FAM241A: variants seen among roughly 807,000 people sequenced by gnomAD.
FAM241A encodes family with sequence similarity 241 member A.
In FAM241A, 7 loss-of-function variants were observed where a neutral mutation model predicts 12.2. That is an observed-to-expected ratio of 0.58 (90% confidence interval 0.33 to 1.08). The LOEUF is 1.08. FAM241A is among the 50% of genes least tolerant of loss of function. FAM241A has a pLI of 0.04. For synonymous variants in FAM241A, 74 were observed against 68.2 expected (o/e 1.08, Z -0.42); for missense variants, 161 against 169.7 (o/e 0.95, Z 0.29).
Position 112,187,247 on chromosome 4 carries a change from A to G in FAM241A, c.*309A>G, listed in dbSNP as rs1724066229. The G allele has an allele frequency of 4.1e-6, 1 of 242,260 alleles. No individual in the cohort carries two copies. The highest frequency in any genetic ancestry group is 5.1e-5 in the Admixed American group (1 of 19,474). The allele number at this position is 242,260 out of a possible 1,614,324, so 15.0% of individuals were successfully genotyped here. A position where few individuals can be genotyped will look rare whatever the true frequency, so the allele number is the denominator to read the frequency against. ...AACACCACCAGAAAGTGAACAGGGA[A>G]AATAACAGGACATGGAATTCAAATC... On this transcript the variant is annotated 3_prime_UTR_variant, in exon 2 of 2. Transcript: ENST00000309733.
intron 1 of FAM241A, among the ~76,000 whole-genome samples, chr4:112,184,238 A>G (rs931527648): frequency 6.6e-6 from 1 of 152,224 alleles, no homozygotes; most frequent in Non-Finnish European, 1.5e-5. Flanking sequence ...TTTAAAAATT[A>G]TATAAAATAG....
At chr4:112,181,407 T>C (rs1229723937) in intron 1 of FAM241A, among the ~76,000 whole-genome samples, 1 of 152,216 alleles carries the variant, frequency 6.6e-6, no homozygotes, top group Non-Finnish European at 1.5e-5. Flanking sequence ...AATTTCTTCC[T>C]GTTTATTCAA....
intron 1 of FAM241A, among the ~76,000 whole-genome samples, chr4:112,148,029 A>G (rs1037366073): frequency 2.0e-5 from 3 of 152,134 alleles, no homozygotes; most frequent in South Asian, 2.1e-4. Flanking sequence ...CTTGAACACC[A>G]TAGCTCCAGA....
rs374875723 is a variant in FAM241A at position 112,193,596 on chromosome 4, C to A, written c.*6658C>A. ...GCCAGTTTTCCCAGCACCATTTATTCAATAGGGAATCCTTTCCCCATTGCT... is the reference window on the plus strand; with the variant it reads ...GCCAGTTTTCCCAGCACCATTTATTAAATAGGGAATCCTTTCCCCATTGCT... On this transcript the variant is annotated 3_prime_UTR_variant, in exon 2 of 2. Coordinates refer to ENST00000309733, the MANE Select transcript of FAM241A (RefSeq NM_152400.3). 3.2e-4 allele frequency: 48 copies of A among 152,212 alleles called. No homozygotes were observed. The highest frequency in any genetic ancestry group is 8.4e-4 in the African/African-American group (35 of 41,566). 9.4% of individuals were successfully genotyped at this position (152,212 alleles called of 1,614,324 possible). A position where few individuals can be genotyped will look rare whatever the true frequency, so the allele number is the denominator to read the frequency against.
At chr4:112,182,043 G>A (rs1723952071) in intron 1 of FAM241A, among the ~76,000 whole-genome samples, 1 of 152,128 alleles carries the variant, frequency 6.6e-6, no homozygotes, top group Non-Finnish European at 1.5e-5. Context: ...GCAGTAGATG[G>A]AATAGTATAT....
At chr4:112,171,458 G>A in intron 1 of FAM241A, 1 of 779,116 alleles carries the variant, frequency 1.3e-6, no homozygotes, top group Admixed American at 1.7e-5. Flanking sequence ...AGAGAATGCT[G>A]GCTATTAAAA....
intron 1 of FAM241A, among the ~76,000 whole-genome samples, chr4:112,147,758 T>C (rs1362445342): frequency 3.3e-5 from 5 of 152,182 alleles, no homozygotes; most frequent in African/African-American, 1.2e-4. Flanking sequence ...AATGGAATAT[T>C]TTTGAAAGAT....
intron 1 of FAM241A, among the ~76,000 whole-genome samples, chr4:112,182,184 G>C (rs1012875838): frequency 1.3e-5 from 2 of 152,170 alleles, no homozygotes; most frequent in Admixed American, 1.3e-4. Context: ...TGTGGCATAT[G>C]GATGGTGGTA....
At chr4:112,166,973 G>C (rs1416823785) in intron 1 of FAM241A, among the ~76,000 whole-genome samples, 1 of 108,136 alleles carries the variant, frequency 9.2e-6, no homozygotes, top group Non-Finnish European at 1.8e-5. Flanking sequence ...AATTAGCCGG[G>C]CGTAGTGGCG....
chr4:112,150,158 TG>T (rs1488627594), intron 1 of FAM241A, among the ~76,000 whole-genome samples: 1 of 152,098 alleles, frequency 6.6e-6, no homozygotes. Context: ...GTATGAAGTA[TG>T]GAGCTGATCT....
intron 1 of FAM241A, among the ~76,000 whole-genome samples, chr4:112,149,208 G>T (rs1435005889): frequency 6.6e-6 from 1 of 151,786 alleles, no homozygotes; most frequent in Admixed American, 6.6e-5. Context: ...GTTTTGCTAT[G>T]TTGCCCAGGC....
intron 1 of FAM241A, among the ~76,000 whole-genome samples, chr4:112,160,750 C>G (rs1344230567): frequency 6.6e-6 from 1 of 152,104 alleles, no homozygotes; most frequent in African/African-American, 2.4e-5. Flanking sequence ...GAAACAAATC[C>G]ACACACCTAT....
At chr4:112,184,867 G>A (rs777597218) in intron 1 of FAM241A, among the ~76,000 whole-genome samples, 3 of 151,632 alleles carry the variant, frequency 2.0e-5, no homozygotes, top group Non-Finnish European at 4.4e-5. Context: ...TTTACTGATC[G>A]ATGACTGAAA....
At chr4:112,171,945 G>A (rs750917688) in intron 1 of FAM241A, among the ~76,000 whole-genome samples, 14 of 152,164 alleles carry the variant, frequency 9.2e-5, no homozygotes, top group Non-Finnish European at 1.9e-4. Context: ...ATCAAGACAA[G>A]TATAACTAAA....
intron 1 of FAM241A, among the ~76,000 whole-genome samples, chr4:112,158,526 T>G (rs921824141): frequency 6.6e-6 from 1 of 152,130 alleles, no homozygotes; most frequent in Non-Finnish European, 1.5e-5. Context: ...CAGGCCACAT[T>G]TCATTTCTCA....
chr4:112,170,973 T>C (rs1560583437), intron 1 of FAM241A, among the ~76,000 whole-genome samples: 1 of 151,556 alleles, frequency 6.6e-6, no homozygotes, highest in Non-Finnish European at 1.5e-5. Flanking sequence ...CTTCTGGGGG[T>C]AGGAATGGGA....
chr4:112,184,842 A>C (rs1209040320), intron 1 of FAM241A, among the ~76,000 whole-genome samples: 1 of 152,206 alleles, frequency 6.6e-6, no homozygotes, highest in Non-Finnish European at 1.5e-5. Context: ...TTAATGAAAA[A>C]AATATTTTTA....
chr4:112,182,255 T>A (rs987340182), intron 1 of FAM241A, among the ~76,000 whole-genome samples: 23 of 152,106 alleles, frequency 1.5e-4, no homozygotes, highest in Admixed American at 1.4e-3. Flanking sequence ...GCCAGATGGT[T>A]TAAATTTTAT....
At chr4:112,167,630 T>C (rs531988468) in intron 1 of FAM241A, among the ~76,000 whole-genome samples, 7 of 152,334 alleles carry the variant, frequency 4.6e-5, no homozygotes, top group Admixed American at 4.6e-4. Flanking sequence ...ATGAATCTTT[T>C]ATGGGTCATT....
Sources: allele counts gnomAD v4.1 joint callset (sites outside exome capture counted in the v4.1 genomes callset), GRCh38; gene constraint gnomAD v4.1.1; transcripts MANE v1.5; gene names NCBI Gene and HGNC (gene_info 2026-07-23, HGNC 2026-07-21).